KIAA1328: variants seen among roughly 807,000 people sequenced by gnomAD.
KIAA1328 encodes KIAA1328.
KIAA1328 carries 52 observed loss-of-function variants against 68.1 expected under a neutral mutation model. The ratio of observed to expected loss-of-function variants is 0.76; its 90% CI spans 0.61 to 0.96. The LOEUF is 0.96. Ranked by LOEUF, KIAA1328 falls within the 40% of genes least tolerant of loss-of-function variation. The pLI, the probability that KIAA1328 is intolerant of heterozygous loss-of-function variation, is 0.00. For missense variants in KIAA1328, 641 were observed against 677.6 expected (o/e 0.95, Z 0.60); for synonymous variants, 232 against 239.4 (o/e 0.97, Z 0.28).
chr18:36,919,324 T>C (rs1230507682), intron 5 of KIAA1328, among the ~76,000 whole-genome samples: 1 of 152,224 alleles, frequency 6.6e-6, no homozygotes, highest in Non-Finnish European at 1.5e-5. Flanking sequence ...GTATCTCTTA[T>C]AGACAGCATA....
intron 7 of KIAA1328, among the ~76,000 whole-genome samples, chr18:37,153,190 C>A (rs1229583215): frequency 6.6e-6 from 1 of 152,160 alleles, no homozygotes; most frequent in East Asian, 1.9e-4. Flanking sequence ...AAACCCCATG[C>A]ATTTAACCAC....
At chr18:36,934,914 T>G (rs1449314391) in intron 5 of KIAA1328, among the ~76,000 whole-genome samples, 1 of 152,200 alleles carries the variant, frequency 6.6e-6, no homozygotes, top group Non-Finnish European at 1.5e-5. Flanking sequence ...TATTTACATA[T>G]TGGTCCAAGT....
intron 6 of KIAA1328, among the ~76,000 whole-genome samples, chr18:37,040,973 T>C (rs1268179222): frequency 6.6e-6 from 1 of 151,764 alleles, no homozygotes; most frequent in Admixed American, 6.5e-5. Flanking sequence ...TTTAAAAAAA[T>C]TAAAATTTTT....
At chr18:36,888,520 T>C (rs905296849) in intron 5 of KIAA1328, among the ~76,000 whole-genome samples, 1 of 152,190 alleles carries the variant, frequency 6.6e-6, no homozygotes, top group African/African-American at 2.4e-5. Context: ...GAGCAAATGG[T>C]ATATCATTGT....
intron 9 of KIAA1328, among the ~76,000 whole-genome samples, chr18:37,213,847 G>A (rs1364913064): frequency 6.6e-6 from 1 of 152,160 alleles, no homozygotes; most frequent in Non-Finnish European, 1.5e-5. Context: ...CATTCTAAGT[G>A]GTGTGAGATG....
chr18:36,965,230 G>T (rs753478397), intron 6 of KIAA1328, among the ~76,000 whole-genome samples: 5 of 151,914 alleles, frequency 3.3e-5, no homozygotes, highest in Admixed American at 6.6e-5. Flanking sequence ...TTGAATTTCA[G>T]TTCCTCTGAT....
chr18:37,021,988 C>T (rs967503001), intron 6 of KIAA1328, among the ~76,000 whole-genome samples: 8 of 151,868 alleles, frequency 5.3e-5, no homozygotes, highest in Middle Eastern at 3.4e-3. Flanking sequence ...TGCAGTGAGC[C>T]GAGATCGTGC....
At chr18:37,195,918 C>A (rs1027155395) in intron 9 of KIAA1328, among the ~76,000 whole-genome samples, 1 of 152,214 alleles carries the variant, frequency 6.6e-6, no homozygotes, top group Non-Finnish European at 1.5e-5. Context: ...AATATTAATT[C>A]TTTCAATCCA....
At chr18:37,042,994 C>T (rs2055317800) in intron 6 of KIAA1328, among the ~76,000 whole-genome samples, 2 of 151,960 alleles carry the variant, frequency 1.3e-5, no homozygotes, top group South Asian at 4.1e-4. Context: ...ACTGATTCTT[C>T]TGCTGTTTCC....
chr18:37,042,965 T>TA (rs2055316819), intron 6 of KIAA1328, among the ~76,000 whole-genome samples: 1 of 152,152 alleles, frequency 6.6e-6, no homozygotes, highest in Non-Finnish European at 1.5e-5. Flanking sequence ...ATAATCTCTA[T>TA]TAATCTGTTT....
intron 9 of KIAA1328, among the ~76,000 whole-genome samples, chr18:37,218,788 T>C (rs2060498421): frequency 6.6e-6 from 1 of 152,226 alleles, no homozygotes; most frequent in Non-Finnish European, 1.5e-5. Context: ...AATTTTGTTA[T>C]TTCCAACCTT....
At chr18:36,853,651 T>A (rs2047289197) in intron 4 of KIAA1328, among the ~76,000 whole-genome samples, 1 of 152,048 alleles carries the variant, frequency 6.6e-6, no homozygotes, top group African/African-American at 2.4e-5. Flanking sequence ...TGTGTGCTTT[T>A]TTTTATTTTT....
chr18:37,167,162 T>C (rs2654548), intron 8 of KIAA1328, among the ~76,000 whole-genome samples: 14,743 of 152,110 alleles, frequency 0.097, 2,408 homozygotes, highest in African/African-American at 0.34. Flanking sequence ...AGCATGCAGA[T>C]GGGCAGGTTG....
chr18:37,079,028 C>T (rs2056853282), intron 7 of KIAA1328, among the ~76,000 whole-genome samples: 1 of 151,488 alleles, frequency 6.6e-6, no homozygotes, highest in African/African-American at 2.4e-5. Flanking sequence ...GACACATGCA[C>T]ACGTATGTTT....
chr18:37,070,945 A>T (rs1391497481), intron 7 of KIAA1328, among the ~76,000 whole-genome samples: 1 of 149,174 alleles, frequency 6.7e-6, no homozygotes, highest in East Asian at 2.0e-4. Context: ...CACCCTATAT[A>T]TGTTGTGATT....
At chr18:37,214,224 A>C (rs1276507020) in intron 9 of KIAA1328, among the ~76,000 whole-genome samples, 1 of 152,098 alleles carries the variant, frequency 6.6e-6, no homozygotes, top group African/African-American at 2.4e-5. Context: ...AGTCCTTGCG[A>C]ATGCCTATGT....
chr18:37,196,353 G>C (rs1472002709), intron 9 of KIAA1328, among the ~76,000 whole-genome samples: 3 of 152,084 alleles, frequency 2.0e-5, no homozygotes, highest in African/African-American at 7.2e-5. Context: ...GAGCATTCTT[G>C]TCTTGTTCCA....
At chr18:37,076,699 C>G (rs556141982) in intron 7 of KIAA1328, among the ~76,000 whole-genome samples, 6 of 150,214 alleles carry the variant, frequency 4.0e-5, no homozygotes, top group Non-Finnish European at 6.0e-5. Flanking sequence ...GAGACTACTA[C>G]AAACACCTCT....
chr18:37,005,818 A>C (rs942243246), intron 6 of KIAA1328, among the ~76,000 whole-genome samples: 1 of 152,178 alleles, frequency 6.6e-6, no homozygotes. Flanking sequence ...ATGGAACTGG[A>C]AGTCATTATC....
Sources: allele counts gnomAD v4.1 joint callset (sites outside exome capture counted in the v4.1 genomes callset), GRCh38; gene constraint gnomAD v4.1.1; transcripts MANE v1.5; gene names NCBI Gene and HGNC (gene_info 2026-07-23, HGNC 2026-07-21).